The following PALD1 variants were observed in gnomAD, a reference collection of about 807,000 sequenced individuals.
PALD1 encodes phosphatase domain containing paladin 1, also known as paladin.
PALD1 carries 57 observed loss-of-function variants against 96.0 expected under a neutral mutation model. The ratio of observed to expected loss-of-function variants is 0.59; its 90% CI spans 0.48 to 0.74. PALD1 has a LOEUF of 0.74. Ranked by LOEUF, PALD1 falls within the 30% of genes least tolerant of loss-of-function variation. The pLI is 0.00. For synonymous variants in PALD1, 464 were observed against 473.6 expected (o/e 0.98, Z 0.26); for missense variants, 1,063 against 1,143.7 (o/e 0.93, Z 1.02).
rs577753320 is a variant in PALD1, at chr10:70,538,545, C to T, written c.1452+137C>T. The T allele has an allele frequency of 5.4e-6, 5 of 918,212 alleles. No individual in the cohort carries two copies. The African/African-American group carries it at 8.3e-5, about 15-fold the overall frequency. The allele number at this position is 918,212 out of a possible 1,614,324, so 56.9% of individuals were successfully genotyped here. A position where few individuals can be genotyped will look rare whatever the true frequency, so the allele number is the denominator to read the frequency against. ...AAGAGAGGCTGTGGGTGTTGGGATC[C>T]TCTTGTGAACAGAATGGGGTCATGC... On this transcript the variant is annotated intron_variant, in intron 12 of 19. Transcript: ENST00000263563.
the PALD1 span, among the ~76,000 whole-genome samples, chr10:70,473,392 G>A: frequency 1.3e-5 from 2 of 152,224 alleles, no homozygotes; most frequent in African/African-American, 2.4e-5. Flanking sequence ...ATTTCCACAT[G>A]GAGCTTGGAT....
the PALD1 span, among the ~76,000 whole-genome samples, chr10:70,463,140 C>T: frequency 6.6e-6 from 1 of 152,184 alleles, no homozygotes; most frequent in African/African-American, 2.4e-5. Context: ...CATGGTGGCT[C>T]ACGCCTGTAA....
In PALD1 at chr10:70,540,761, GTCTAT is replaced by G. The variant is rs1847225634; in HGVS notation, c.1909-340_1909-336del. On this transcript the variant is annotated intron_variant, in intron 15 of 19. Transcript: ENST00000263563. This position sits in a 1 kb window ranked among gnomAD's most constrained non-coding sequence, Gnocchi z 4.2. ...GCTCAGGTGGGTGGCAGGGCCAGCA[GTCTAT>G]GTGCAGCCCAGGGGCGCAGTACACA... Among the ~76,000 whole-genome samples the G allele has an allele frequency of 6.6e-6, 1 of 152,198 alleles. No individual in the cohort carries two copies. The highest frequency in any genetic ancestry group is 2.4e-5 in the African/African-American group (1 of 41,448).
At position 70,531,312 on chromosome 10, in the gene PALD1, G is replaced by A. The variant is rs781415468; in HGVS notation, c.491G>A (p.Arg164Gln). 40 of 1,613,528 alleles carry A rather than the reference G, an allele frequency of 2.5e-5. No individual in the cohort carries two copies. In the South Asian group the frequency reaches 3.1e-4, roughly 12 times the overall value. ...GHRECVIFCV[R>Q]EEPVLFLRAD... Reference sequence around the variant, plus strand: ...CAGGAGTGTGTCATCTTCTGTGTGCGGGAGGAACCTGTGCTTTTCCTGCGT... The same window carrying A: ...CAGGAGTGTGTCATCTTCTGTGTGCAGGAGGAACCTGTGCTTTTCCTGCGT... The change falls in exon 5 of 20, where the codon CGG (arginine) becomes CAG (glutamine). Residue 164 changes from arginine (R) to glutamine (Q), a missense_variant. Coordinates refer to ENST00000263563, the MANE Select transcript of PALD1 (RefSeq NM_014431.3).
chr10:70,459,706 G>A, the PALD1 span, among the ~76,000 whole-genome samples: 1 of 152,242 alleles, frequency 6.6e-6, no homozygotes, highest in South Asian at 2.1e-4. Context: ...GTCCTCATCT[G>A]AGTTAGGGGT....
intron 1 of PALD1, among the ~76,000 whole-genome samples, chr10:70,503,549 G>T (rs556349735): frequency 1.3e-5 from 2 of 152,110 alleles, no homozygotes; most frequent in Non-Finnish European, 2.9e-5. Flanking sequence ...GGCATGAATC[G>T]CTTGAACCTG....
chr10:70,505,603 T>TCAAAA (rs71472970), intron 1 of PALD1, among the ~76,000 whole-genome samples: 88 of 150,008 alleles, frequency 5.9e-4, no homozygotes, highest in African/African-American at 1.9e-3. Flanking sequence ...AAACTCTGTC[T>TCAAAA]CAAAACAAAA....
chr10:70,483,594 T>TGACCTGGGAC (rs2132256402), intron 1 of PALD1, among the ~76,000 whole-genome samples: 1 of 151,962 alleles, frequency 6.6e-6, no homozygotes, highest in East Asian at 1.9e-4. Flanking sequence ...TGCCCTGAGA[T>TGACCTGGGAC]GACCTGGGAC....
intron 1 of PALD1, among the ~76,000 whole-genome samples, chr10:70,480,514 G>C (rs1428014912): frequency 1.3e-5 from 2 of 152,166 alleles, no homozygotes; most frequent in Non-Finnish European, 2.9e-5. Context: ...GTAGGGCCCA[G>C]GTGGCTTGAG....
At chr10:70,541,411 G>C (rs1847243545) in intron 16 of PALD1, 52 bp from the exon 17 acceptor site, 1 of 1,582,780 alleles carries the variant, frequency 6.3e-7, no homozygotes, top group Non-Finnish European at 8.7e-7. Flanking sequence ...CCCCAGCAAG[G>C]GGCTCCTGGC....
At chr10:70,480,213 T>G (rs1283143810) in intron 1 of PALD1, among the ~76,000 whole-genome samples, 2 of 152,260 alleles carry the variant, frequency 1.3e-5, no homozygotes, top group African/African-American at 4.8e-5. Context: ...GTTTGTTTCC[T>G]GCTGGTGGAT....
the PALD1 span, among the ~76,000 whole-genome samples, chr10:70,460,017 A>G: frequency 6.6e-6 from 1 of 152,112 alleles, no homozygotes; most frequent in Admixed American, 6.5e-5. Flanking sequence ...CTTGGGTTGT[A>G]TAGGAGAGAC....
chr10:70,541,086 T>C lies in PALD1; in HGVS notation c.1909-16T>C, dbSNP rs747452984. The C allele has an allele frequency of 1.9e-6, 3 of 1,582,088 alleles. No individual in the cohort carries two copies. Among genetic ancestry groups the C allele is most frequent in the East Asian group, 4.5e-5 (2 of 44,456 alleles). On this transcript the variant is annotated splice_polypyrimidine_tract_variant and intron_variant, in intron 15 of 19. Transcript: ENST00000263563. ...AAGAGACGCCCGCTGACCCAGACCT[T>C]GCTTTTCTCGTCCAGGACTTTGACC...
At chr10:70,465,393 G>A in the PALD1 span, among the ~76,000 whole-genome samples, 2 of 152,166 alleles carry the variant, frequency 1.3e-5, no homozygotes, top group Non-Finnish European at 2.9e-5. Flanking sequence ...TGGTTACTCA[G>A]GCAGTTAGTG....
the PALD1 span, among the ~76,000 whole-genome samples, chr10:70,470,961 C>T: frequency 1.3e-5 from 2 of 151,810 alleles, no homozygotes; most frequent in African/African-American, 4.8e-5. Flanking sequence ...GCCACCACAC[C>T]TGGCTAATTT....
At chr10:70,527,036 G>T (rs1846883056) in intron 2 of PALD1, among the ~76,000 whole-genome samples, 1 of 152,136 alleles carries the variant, frequency 6.6e-6, no homozygotes. Context: ...TGGGCTTCTG[G>T]TAAGGGGAGG....
At chr10:70,565,172 G>A (rs767575843) in intron 19 of PALD1, among the ~76,000 whole-genome samples, 10 of 152,236 alleles carry the variant, frequency 6.6e-5, no homozygotes, top group Non-Finnish European at 1.3e-4. Context: ...CAGAGACTGA[G>A]CACAGAGAGG....
At chr10:70,509,851 C>G (rs1246713542) in intron 1 of PALD1, among the ~76,000 whole-genome samples, 1 of 152,220 alleles carries the variant, frequency 6.6e-6, no homozygotes. Flanking sequence ...TACACCAGCT[C>G]TGCTCCTGGC....
chr10:70,561,011 T>C (rs928030209), intron 18 of PALD1, among the ~76,000 whole-genome samples: 2 of 152,126 alleles, frequency 1.3e-5, no homozygotes, highest in East Asian at 3.9e-4. Flanking sequence ...AGACCTGTGA[T>C]CCAGCAAGAT....
Sources: allele counts gnomAD v4.1 joint callset (sites outside exome capture counted in the v4.1 genomes callset), GRCh38; gene constraint gnomAD v4.1.1; non-coding constraint Gnocchi (gnomAD v3.1); transcripts MANE v1.5; gene names NCBI Gene and HGNC (gene_info 2026-07-23, HGNC 2026-07-21).